The following SH3RF1 variants were observed in gnomAD, a reference collection of about 807,000 sequenced individuals.
SH3RF1 encodes E3 ubiquitin-protein ligase SH3RF1.
SH3RF1 carries 32 observed loss-of-function variants against 74.0 expected under a neutral mutation model. That is an observed-to-expected ratio of 0.43 (90% CI 0.33 to 0.58). SH3RF1 has a LOEUF of 0.58. Among genes scored for constraint, SH3RF1 ranks in the 20% least tolerant of loss-of-function variants. SH3RF1 has a pLI of 0.05. For synonymous variants in SH3RF1, 396 were observed against 439.6 expected (o/e 0.90, Z 1.24); for missense variants, 954 against 1,130.9 (o/e 0.84, Z 2.24).
chr4:169,121,751 TACATTC>T (rs1331914612), intron 7 of SH3RF1, among the ~76,000 whole-genome samples: 7 of 152,240 alleles, frequency 4.6e-5, no homozygotes, highest in African/African-American at 1.7e-4. Context: ...TTAAGCTTTT[TACATTC>T]ACACTGCAAC....
At chr4:169,205,288 G>C (rs1221306320) in intron 2 of SH3RF1, among the ~76,000 whole-genome samples, 2 of 152,138 alleles carry the variant, frequency 1.3e-5, no homozygotes, top group Admixed American at 1.3e-4. Context: ...GGGTATCAGA[G>C]GACCTATGAA....
At chr4:169,159,589 T>C (rs933708300) in intron 2 of SH3RF1, among the ~76,000 whole-genome samples, 10 of 152,164 alleles carry the variant, frequency 6.6e-5, no homozygotes, top group Admixed American at 5.9e-4. Flanking sequence ...ATTTGGGCTG[T>C]TGTGAGGATT....
intron 2 of SH3RF1, among the ~76,000 whole-genome samples, chr4:169,179,494 T>A (rs889364783): frequency 1.3e-5 from 2 of 152,148 alleles, no homozygotes; most frequent in Non-Finnish European, 2.9e-5. Flanking sequence ...TGAACCAATA[T>A]CCAAAATTCT....
At chr4:169,204,985 GTCAA>G (rs1349618071) in intron 2 of SH3RF1, among the ~76,000 whole-genome samples, 2 of 152,130 alleles carry the variant, frequency 1.3e-5, no homozygotes, top group Non-Finnish European at 2.9e-5. Flanking sequence ...CTTTTTCTGG[GTCAA>G]TCAGTCATTA....
rs1218496800 is a variant in SH3RF1, at chr4:169,129,902, T to G, written c.1179+144A>C. ...GGACTTTCTAATGTTTTGTTAAGAT[T>G]AACAGAGATAATAGATGAAAGATAG... On this transcript the variant is annotated intron_variant, in intron 6 of 11. Coordinates refer to ENST00000284637, the MANE Select transcript of SH3RF1 (RefSeq NM_020870.4). The G allele has an allele frequency of 4.4e-6, 3 of 679,916 alleles. No homozygotes were observed. The African/African-American group carries it at 5.7e-5, about 13-fold the overall frequency. 42.1% of individuals were successfully genotyped at this position (679,916 alleles called of 1,614,324 possible). A position where few individuals can be genotyped will look rare whatever the true frequency, so the allele number is the denominator to read the frequency against.
At chr4:169,134,040 T>C (rs1733659577) in intron 5 of SH3RF1, among the ~76,000 whole-genome samples, 1 of 152,204 alleles carries the variant, frequency 6.6e-6, no homozygotes, top group African/African-American at 2.4e-5. Flanking sequence ...AATGCTCTAT[T>C]GTGGCCTGGG....
intron 2 of SH3RF1, among the ~76,000 whole-genome samples, chr4:169,231,325 TG>T (rs1217701875): frequency 6.6e-6 from 1 of 152,186 alleles, no homozygotes; most frequent in Non-Finnish European, 1.5e-5. Flanking sequence ...CCCAGCACTT[TG>T]GGGGGCCAAG....
At chr4:169,133,402 G>C (rs1733648765) in intron 5 of SH3RF1, among the ~76,000 whole-genome samples, 1 of 151,776 alleles carries the variant, frequency 6.6e-6, no homozygotes, top group Non-Finnish European at 1.5e-5. Flanking sequence ...TTGAACCTGG[G>C]AGGCGAAGGT....
chr4:169,203,980 G>A (rs1734951481), intron 2 of SH3RF1: 1 of 152,150 alleles, frequency 6.6e-6, no homozygotes, highest in African/African-American at 2.4e-5. Context: ...GGACTACTAT[G>A]AAGAAAGCGC....
chr4:169,210,907 C>T (rs1306897085), intron 2 of SH3RF1, among the ~76,000 whole-genome samples: 1 of 152,218 alleles, frequency 6.6e-6, no homozygotes, highest in Non-Finnish European at 1.5e-5. Context: ...GGCTCAGGGA[C>T]TTCCCGATTT....
At chr4:169,167,014 C>T in intron 2 of SH3RF1, 1 of 213,476 alleles carries the variant, frequency 4.7e-6, no homozygotes, top group Non-Finnish European at 9.2e-6. Flanking sequence ...AAGCTGTGGA[C>T]TCAAATTTTA....
chr4:169,267,792 T>C lies in SH3RF1; in HGVS notation c.393+1028A>G, dbSNP rs181090107. On this transcript the variant is annotated intron_variant, in intron 2 of 11. Transcript: ENST00000284637. ...ATGCTATCCCAATGGGCAGTTCCTGTATTAAATGAAAGACATCACTTTTGA... is the reference window on the plus strand; with the variant it reads ...ATGCTATCCCAATGGGCAGTTCCTGCATTAAATGAAAGACATCACTTTTGA... 3.0e-4 allele frequency among the ~76,000 whole-genome samples: 45 copies of C among 152,330 alleles called. No individual in the cohort carries two copies. In the East Asian group the frequency reaches 8.3e-3, roughly 28 times the overall value.
chr4:169,113,758 C>G (rs1733283815), intron 10 of SH3RF1, among the ~76,000 whole-genome samples: 1 of 152,086 alleles, frequency 6.6e-6, no homozygotes. Flanking sequence ...CCAGAAGTCT[C>G]TTTAGTGGAC....
At chr4:169,238,336 G>A (rs1730851459) in intron 2 of SH3RF1, among the ~76,000 whole-genome samples, 1 of 152,174 alleles carries the variant, frequency 6.6e-6, no homozygotes, top group African/African-American at 2.4e-5. Context: ...TGTGAGGAAC[G>A]CTAGCACTGG....
At chr4:169,181,348 C>T (rs940709158) in intron 2 of SH3RF1, among the ~76,000 whole-genome samples, 19 of 151,096 alleles carry the variant, frequency 1.3e-4, no homozygotes, top group East Asian at 3.9e-4. Context: ...CTGCAACCTC[C>T]GCCTTCCAGG....
chr4:169,135,529 T>C (rs1733685222), intron 5 of SH3RF1, among the ~76,000 whole-genome samples: 1 of 152,186 alleles, frequency 6.6e-6, no homozygotes, highest in African/African-American at 2.4e-5. Context: ...AAGTGGATAA[T>C]GATAGCAGCC....
At chr4:169,107,523 G>A (rs572346051) in intron 10 of SH3RF1, among the ~76,000 whole-genome samples, 17 of 152,168 alleles carry the variant, frequency 1.1e-4, no homozygotes, top group African/African-American at 1.7e-4. Context: ...AGGATAAACC[G>A]ATAAAAAAGA....
chr4:169,136,634 C>A lies in SH3RF1; in HGVS notation c.766-14G>T. 2.0e-6 allele frequency: 3 copies of A among 1,477,904 alleles called. No individual in the cohort carries two copies. The highest frequency in any genetic ancestry group is 2.9e-5 in the South Asian group (2 of 68,622). The allele number at this position is 1,477,904 out of a possible 1,614,324, so 91.5% of individuals were successfully genotyped here. ...AGCCGAGTTAAACTGCAAAAGCAAC[C>A]AACAAACCAACACAAGAAGGTTAAA... On this transcript the variant is annotated splice_polypyrimidine_tract_variant and intron_variant, in intron 4 of 11. Coordinates refer to ENST00000284637, the MANE Select transcript of SH3RF1 (RefSeq NM_020870.4).
intron 2 of SH3RF1, among the ~76,000 whole-genome samples, chr4:169,253,144 C>G (rs1040891489): frequency 2.0e-5 from 3 of 152,164 alleles, no homozygotes; most frequent in Admixed American, 1.3e-4. Context: ...ACATAGAATT[C>G]CCACTTCTTA....
Sources: gnomAD v4.1 joint callset for allele counts (sites outside exome capture counted in the v4.1 genomes callset) on GRCh38, gnomAD v4.1.1 for gene constraint, MANE v1.5 for transcripts, NCBI Gene and HGNC (gene_info 2026-07-23, HGNC 2026-07-21) for gene names.